The following ZBED6 variants were observed in gnomAD, a reference collection of about 807,000 sequenced individuals.
ZBED6 encodes the protein zinc finger BED-type containing 6.
In ZBED6, 40 loss-of-function variants were observed where a neutral mutation model predicts 58.4. The ratio of observed to expected loss-of-function variants is 0.68; its 90% CI spans 0.53 to 0.89. ZBED6 has a LOEUF of 0.89. Among genes scored for constraint, ZBED6 ranks in the 40% least tolerant of loss-of-function variants. The probability of loss-of-function intolerance (pLI) is 0.00; values close to 1 mark genes in which losing one functional copy is unlikely to be tolerated. For synonymous variants in ZBED6, 439 were observed against 350.6 expected, an observed-to-expected ratio of 1.25 and a Z score of -2.82; for missense variants, 1,057 against 1,003.9, an observed-to-expected ratio of 1.05 and a Z score of -0.71.
intron 7 of ZBED6, 63 bp from the exon 8 acceptor site, chr1:203,831,598 T>G (rs1196275511): frequency 2.7e-6 from 4 of 1,462,140 alleles, no homozygotes; most frequent in Non-Finnish European, 2.8e-6. Flanking sequence ...AAACAAATTT[T>G]TTGACTTGGG....
intron 1 of ZBED6, among the ~76,000 whole-genome samples, chr1:203,815,514 C>T (rs948478843): frequency 4.6e-5 from 7 of 151,838 alleles, no homozygotes; most frequent in African/African-American, 1.2e-4. Context: ...CCACTGCACC[C>T]GGCCTATTTC....
intron 3 of ZBED6, among the ~76,000 whole-genome samples, chr1:203,825,129 T>A (rs1572136983): frequency 1.3e-5 from 2 of 150,426 alleles, no homozygotes; most frequent in South Asian, 4.2e-4. Context: ...TGTTCAAGTG[T>A]GAGTTACAGT....
At chr1:203,809,517 T>A (rs940840420) in intron 1 of ZBED6, among the ~76,000 whole-genome samples, 1 of 152,170 alleles carries the variant, frequency 6.6e-6, no homozygotes, top group South Asian at 2.1e-4. Flanking sequence ...GTAGCAATGC[T>A]ATATCCTTTA....
chr1:203,822,001 C>T (rs1043706309), intron 3 of ZBED6, among the ~76,000 whole-genome samples: 1 of 152,112 alleles, frequency 6.6e-6, no homozygotes, highest in Non-Finnish European at 1.5e-5. Flanking sequence ...TCGTGATCCG[C>T]CCGCCTTGGC....
chr1:203,830,925 A>ATTTTTTTTTTTTTT (rs774771270), intron 7 of ZBED6, among the ~76,000 whole-genome samples: 2 of 51,384 alleles, frequency 3.9e-5, no homozygotes, highest in Non-Finnish European at 7.4e-5. Context: ...CCAACCCCCA[A>ATTTTTTTTTTTTTT]TTTTTTTTTT....
At chr1:203,849,964 G>A (rs2103446352) in exon 14 of ZBED6, 1 of 1,614,006 alleles carries the variant, frequency 6.2e-7, no homozygotes, top group East Asian at 2.2e-5. Context: ...GAAACCTCAG[G>A]GATTGGAGAC....
At chr1:203,844,470 G>T (rs185359302) in intron 11 of ZBED6, among the ~76,000 whole-genome samples, 1 of 152,276 alleles carries the variant, frequency 6.6e-6, no homozygotes, top group Non-Finnish European at 1.5e-5. Context: ...CGCCTGGCCT[G>T]CTCTGGGATT....
intron 9 of ZBED6, 52 bp from the exon 10 acceptor site, chr1:203,837,914 T>A (rs1684884400): frequency 6.5e-7 from 1 of 1,548,592 alleles, no homozygotes; most frequent in Non-Finnish European, 8.8e-7. Context: ...GTATTTCTTG[T>A]CCTTGCTGAA....
At chr1:203,805,612 G>A (rs562477270) in intron 1 of ZBED6, 3 of 661,616 alleles carry the variant, frequency 4.5e-6, no homozygotes, top group Admixed American at 3.7e-5. Flanking sequence ...GTACTTAAAT[G>A]CAAATGTATG....
At chr1:203,833,618 G>GTTTTTTTTTTTTTTTTTTTTTTTTTTTTT (rs553171669) in intron 8 of ZBED6, among the ~76,000 whole-genome samples, 173 bp from the exon 9 acceptor site, 1 of 124,832 alleles carries the variant, frequency 8.0e-6, no homozygotes, top group Non-Finnish European at 1.7e-5. Context: ...ATAGGTTTGG[G>GTTTTTTTTTTTTTTTTTTTTTTTTTTTTT]TTTTTTTTTT....
chr1:203,851,277 C>T (rs1449323468), intron 16 of ZBED6, among the ~76,000 whole-genome samples, 153 bp downstream of exon 16: 2 of 152,162 alleles, frequency 1.3e-5, no homozygotes, highest in Non-Finnish European at 2.9e-5. Flanking sequence ...TCTAGGGTTG[C>T]TGTTCTTCTT....
exon 1 of ZBED6, chr1:203,799,143 C>A (rs1046923243): frequency 6.7e-7 from 1 of 1,502,052 alleles, no homozygotes; most frequent in Non-Finnish European, 9.0e-7. Flanking sequence ...CAATATTTTA[C>A]AAGAATTAAA....
intron 8 of ZBED6, among the ~76,000 whole-genome samples, chr1:203,833,108 G>A (rs942430988): frequency 5.9e-5 from 9 of 151,688 alleles, no homozygotes; most frequent in South Asian, 2.1e-4. Context: ...GGTGGCTCAC[G>A]CCTGTAATCC....
chr1:203,829,987 C>G, intron 6 of ZBED6, 91 bp downstream of exon 6: 1 of 1,382,738 alleles, frequency 7.2e-7, no homozygotes, highest in South Asian at 1.2e-5. Flanking sequence ...TCTTCTTTTT[C>G]CCATGCTACA....
At chr1:203,806,883 T>G (rs1279072197) in intron 1 of ZBED6, among the ~76,000 whole-genome samples, 1 of 150,986 alleles carries the variant, frequency 6.6e-6, no homozygotes, top group Non-Finnish European at 1.5e-5. Flanking sequence ...TCAAGTACTT[T>G]TCTTCACTTT....
At chr1:203,847,011 A>T (rs1365186880) in intron 11 of ZBED6, among the ~76,000 whole-genome samples, 173 bp from the exon 12 acceptor site, 3 of 152,082 alleles carry the variant, frequency 2.0e-5, no homozygotes, top group Admixed American at 1.3e-4. Context: ...TCTTAAAAAA[A>T]AAAAGAAAAA....
At chr1:203,798,298 T>A in exon 1 of ZBED6, 1 of 1,536,174 alleles carries the variant, frequency 6.5e-7, no homozygotes, top group South Asian at 1.2e-5. Flanking sequence ...CATGCTTTAA[T>A]TCCTGGAACT....
chr1:203,818,778 A>T, intron 3 of ZBED6, 89 bp downstream of exon 3: 1 of 1,591,368 alleles, frequency 6.3e-7, no homozygotes, highest in Non-Finnish European at 8.6e-7. Context: ...ACTTTTAAAA[A>T]ATATATTAAG....
intron 3 of ZBED6, among the ~76,000 whole-genome samples, chr1:203,824,248 A>G (rs763245720): frequency 2.0e-5 from 3 of 150,134 alleles, no homozygotes; most frequent in South Asian, 2.1e-4. Flanking sequence ...AGCCTGGGCT[A>G]CACAGTAAGA....
Sources: allele counts gnomAD v4.1 joint callset (sites outside exome capture counted in the v4.1 genomes callset), GRCh38; gene constraint gnomAD v4.1.1; transcripts MANE v1.5; gene names NCBI Gene and HGNC (gene_info 2026-07-23, HGNC 2026-07-21).